Variants in MGA observed in about 807,000 individuals in gnomAD.
MGA encodes MAX dimerization protein MGA, also known as MAX gene-associated protein.
Under a neutral mutation model 261.1 loss-of-function variants are expected in MGA, and 40 were observed. That is an observed-to-expected ratio of 0.15 (90% CI 0.12 to 0.20). The LOEUF (loss-of-function observed/expected upper bound fraction) is 0.20, where lower values mean the gene tolerates loss of function less well. Ranked by LOEUF, MGA falls within the 10% of genes least tolerant of loss-of-function variation. The pLI is 1.00. For synonymous variants in MGA, 1,302 were observed against 1,290.6 expected (o/e 1.01, Z -0.19); for missense variants, 3,397 against 3,630.5 (o/e 0.94, Z 1.65).
intron 2 of MGA, among the ~76,000 whole-genome samples, chr15:41,682,692 G>A (rs1247579550): frequency 6.6e-6 from 1 of 151,756 alleles, no homozygotes; most frequent in Admixed American, 6.6e-5. Flanking sequence ...TTTTGGCCAG[G>A]CTGGTCTTGA....
intron 17 of MGA, 52 bp downstream of exon 17, chr15:41,750,667 A>G: frequency 6.8e-7 from 1 of 1,480,286 alleles, no homozygotes; most frequent in Non-Finnish European, 9.0e-7. Flanking sequence ...TAAATGATTT[A>G]TTAAAGACAG....
At chr15:41,656,364 C>CTCTCTCTCTCTCTCTCTCTCG (rs1417067526), upstream of MGA, among the ~76,000 whole-genome samples, 1 of 139,738 alleles carries the variant, frequency 7.2e-6, no homozygotes. Context: ...CTCTCTCTCT[C>CTCTCTCTCTCTCTCTCTCTCG]TCTCTCTCTC....
chr15:41,717,409 A>G (rs2060699699), intron 9 of MGA, among the ~76,000 whole-genome samples: 2 of 152,234 alleles, frequency 1.3e-5, no homozygotes, highest in Non-Finnish European at 2.9e-5. Flanking sequence ...AGACTGAGGA[A>G]TAAAGAGAAC....
At position 41,766,143 on chromosome 15, in the gene MGA, C is replaced by G; in HGVS notation, c.8061C>G (p.Thr2687=). The change falls in exon 24 of 24, where the codon ACC becomes ACG. Residue 2687 remains threonine (T), a synonymous_variant. Transcript: ENST00000219905. ...AGCCATCTGACCATCTGAAAGACAC[C>G]GTCAGGAATGAAGATAATTCCTTAG... 2 of 1,613,986 alleles carry G rather than the reference C, an allele frequency of 1.2e-6. No individual in the cohort carries two copies. Among genetic ancestry groups the G allele is most frequent in the Non-Finnish European group, 1.7e-6 (2 of 1,179,896 alleles).
intron 1 of MGA, among the ~76,000 whole-genome samples, chr15:41,661,616 T>C (rs1172588203): frequency 6.6e-6 from 1 of 152,060 alleles, no homozygotes; most frequent in African/African-American, 2.4e-5. Flanking sequence ...AAGATAACTT[T>C]CCCAAGGTTC....
At chr15:41,723,965 G>GT (rs79177668) in intron 9 of MGA, among the ~76,000 whole-genome samples, 2,660 of 141,846 alleles carry the variant, frequency 0.019, 31 homozygotes, top group Non-Finnish European at 0.022. Flanking sequence ...TATCTTAAGA[G>GT]TTTTTTTTTT....
In MGA at chr15:41,711,295, A is replaced by G. The variant is rs770094586; in HGVS notation, c.3030A>G (p.Thr1010=). ...CACTTTGGGAAGGAAAACCAAGGACATACATCACAGAAGAGCGAGCAGATG... is the reference window on the plus strand; with the variant it reads ...CACTTTGGGAAGGAAAACCAAGGACGTACATCACAGAAGAGCGAGCAGATG... Residue 1010 remains threonine, a synonymous_variant, in exon 8 of 24, where the codon ACA becomes ACG. Coordinates refer to ENST00000219905, the MANE Select transcript of MGA (RefSeq NM_001164273.2). The G allele has an allele frequency of 3.1e-6, 5 of 1,613,900 alleles. No homozygotes were observed. The highest frequency in any genetic ancestry group is 1.1e-5 in the South Asian group (1 of 91,066).
At chr15:41,651,573 C>T (rs1472907557) in intron 1 of MGA, among the ~76,000 whole-genome samples, 1 of 148,022 alleles carries the variant, frequency 6.8e-6, no homozygotes, top group Non-Finnish European at 1.5e-5. Context: ...TTCCCCTTCC[C>T]TCTCCTTCTC....
At chr15:41,715,885 T>C (rs2060608174) in intron 9 of MGA, among the ~76,000 whole-genome samples, 1 of 152,188 alleles carries the variant, frequency 6.6e-6, no homozygotes. Context: ...ACTCCCTTCT[T>C]ATGCTTAAGA....
In MGA at chr15:41,748,896, C is replaced by G. The variant is rs1445388743; in HGVS notation, c.5472C>G (p.Pro1824=). The change falls in exon 16 of 24, where the codon CCC becomes CCG. Residue 1824 remains proline, a synonymous_variant. Coordinates refer to ENST00000219905, the MANE Select transcript of MGA (RefSeq NM_001164273.2). ...AGCTTCGAGGCTCTAATACCCAGCC[C>G]AACTTACAGCCTGTCATGTTTCGGA... 4 of 1,613,942 alleles carry G rather than the reference C, an allele frequency of 2.5e-6. No homozygotes were observed. The highest frequency in any genetic ancestry group is 3.4e-6 in the Non-Finnish European group (4 of 1,179,882).
At chr15:41,749,025 T>G (rs377175977) in intron 16 of MGA, 86 bp from the exon 17 acceptor site, 15 of 1,542,156 alleles carry the variant, frequency 9.7e-6, no homozygotes, top group Middle Eastern at 1.8e-4. Context: ...TCTTAAGAGT[T>G]ACTTTTCCAA....
chr15:41,761,675 G>T (rs986388819), intron 20 of MGA, 64 bp from the exon 21 acceptor site: 1 of 965,992 alleles, frequency 1.0e-6, no homozygotes, highest in African/African-American at 1.7e-5. Flanking sequence ...AAATTGTATA[G>T]GCCTTAGCTG....
chr15:41,739,241 C>T (rs1247524007), intron 13 of MGA, among the ~76,000 whole-genome samples: 1 of 152,100 alleles, frequency 6.6e-6, no homozygotes, highest in Non-Finnish European at 1.5e-5. Context: ...TTTGTTGGTT[C>T]ACTTTCTTCT....
intron 2 of MGA, among the ~76,000 whole-genome samples, chr15:41,691,012 T>TTTC (rs71108118): frequency 7.2e-6 from 1 of 138,998 alleles, no homozygotes; most frequent in East Asian, 1.9e-4. Context: ...TTTTTTTTTT[T>TTTC]GGTGGCTCCC....
At chr15:41,765,981 T>A in intron 23 of MGA, 23 bp from the exon 24 acceptor site, 1 of 1,590,876 alleles carries the variant, frequency 6.3e-7, no homozygotes, top group East Asian at 2.2e-5. Flanking sequence ...TGAATTTTTC[T>A]TTTTTTAATT....
At chr15:41,628,367 CAAAAAAA>C (rs936932982) in intron 1 of MGA, among the ~76,000 whole-genome samples, 5 of 47,098 alleles carry the variant, frequency 1.1e-4, no homozygotes, top group African/African-American at 1.5e-4. Flanking sequence ...ACTCTGTATC[CAAAAAAA>C]AAAAAAAAAA....
At chr15:41,623,391 T>C (rs556511162) in intron 1 of MGA, among the ~76,000 whole-genome samples, 63 of 152,266 alleles carry the variant, frequency 4.1e-4, no homozygotes, top group African/African-American at 1.5e-3. Flanking sequence ...GGGAAGGTGT[T>C]CCAAAATTAT....
At chr15:41,675,928 A>T (rs1398836327) in intron 2 of MGA, among the ~76,000 whole-genome samples, 1 of 152,208 alleles carries the variant, frequency 6.6e-6, no homozygotes, top group Non-Finnish European at 1.5e-5. Context: ...TTTTAGTTTC[A>T]GGTACTTTTC....
chr15:41,763,970 G>A (rs2063648266), intron 22 of MGA, among the ~76,000 whole-genome samples: 1 of 151,670 alleles, frequency 6.6e-6, no homozygotes, highest in Non-Finnish European at 1.5e-5. Flanking sequence ...CCAGCCTTGG[G>A]CAACATGGTG....
Sources: allele counts gnomAD v4.1 joint callset (sites outside exome capture counted in the v4.1 genomes callset), GRCh38; gene constraint gnomAD v4.1.1; transcripts MANE v1.5; gene names NCBI Gene and HGNC (gene_info 2026-07-23, HGNC 2026-07-21).